Variants in UBAP2 observed in about 807,000 individuals in gnomAD.
UBAP2 encodes ubiquitin-associated protein 2.
Under a neutral mutation model 139.6 loss-of-function variants are expected in UBAP2, and 75 were observed. That is an observed-to-expected ratio of 0.54 (90% confidence interval 0.45 to 0.65). UBAP2 has a LOEUF of 0.65. Among genes scored for constraint, UBAP2 ranks in the 30% least tolerant of loss-of-function variants. UBAP2 has a pLI of 0.00. For synonymous variants in UBAP2, 526 were observed against 526.2 expected, an observed-to-expected ratio of 1.00 and a Z score of 0.01; for missense variants, 1,368 against 1,369.6, an observed-to-expected ratio of 1.00 and a Z score of 0.02.
intron 1 of UBAP2, among the ~76,000 whole-genome samples, chr9:34,032,050 C>A (rs769794904): frequency 2.0e-5 from 3 of 151,816 alleles, no homozygotes; most frequent in Non-Finnish European, 4.4e-5. Flanking sequence ...GAGGCTGAGG[C>A]GGGAGGATTG....
chr9:33,943,494 G>A lies in UBAP2; in HGVS notation c.1641C>T (p.Leu547=), dbSNP rs780070478. The A allele has an allele frequency of 2.5e-6, 4 of 1,614,072 alleles. No individual in the cohort carries two copies. Among genetic ancestry groups the A allele is most frequent in the African/African-American group, 1.3e-5 (1 of 74,932 alleles). Residue 547 remains leucine (L), a synonymous_variant, in exon 15 of 29, where the codon CTC becomes CTT. Coordinates refer to ENST00000379238, the MANE Select transcript of UBAP2 (RefSeq NM_001370062.2). ...TGCTTGGAGCTGATCCAAATTCAGA[G>A]AGAGAAGGTTCTGACCCAAATTCCA... The part of the protein sequence containing the change: ...GALEFGSEPS[L]SEFGSAPSSE...
At chr9:34,035,721 A>G (rs1826307648) in intron 1 of UBAP2, among the ~76,000 whole-genome samples, 1 of 151,308 alleles carries the variant, frequency 6.6e-6, no homozygotes, top group Non-Finnish European at 1.5e-5. Flanking sequence ...ACTATCAACA[A>G]AAACTGTCAA....
At chr9:33,968,722 A>G (rs1783944523) in intron 8 of UBAP2, among the ~76,000 whole-genome samples, 1 of 152,194 alleles carries the variant, frequency 6.6e-6, no homozygotes, top group Admixed American at 6.5e-5. Flanking sequence ...TCCTTTTACA[A>G]CAGACAGTTG....
intron 4 of UBAP2, among the ~76,000 whole-genome samples, chr9:33,993,300 T>G (rs1353262759): frequency 6.6e-6 from 1 of 152,214 alleles, no homozygotes; most frequent in African/African-American, 2.4e-5. Flanking sequence ...GTGTTTATAT[T>G]CTGTCAACCC....
chr9:33,938,423 G>A (rs114388719), intron 16 of UBAP2, among the ~76,000 whole-genome samples: 189 of 152,154 alleles, frequency 1.2e-3, no homozygotes, highest in African/African-American at 4.2e-3. Flanking sequence ...AAGCCACCAT[G>A]CCCAGCCCAA....
At chr9:34,007,267 G>A (rs906885411) in intron 2 of UBAP2, among the ~76,000 whole-genome samples, 2 of 152,126 alleles carry the variant, frequency 1.3e-5, no homozygotes, top group African/African-American at 2.4e-5. Flanking sequence ...GCTGAGGAAG[G>A]TGGATCCCTT....
In UBAP2 at chr9:33,941,656, G is replaced by A. The variant is rs1825215095; in HGVS notation, c.1922C>T (p.Thr641Ile). 6.2e-7 allele frequency: 1 copy of A among 1,613,764 alleles called. No individual in the cohort carries two copies. The highest frequency in any genetic ancestry group is 1.1e-5 in the South Asian group (1 of 91,068). ...AACTAAAATACCACTTACCATGATG[G>A]TTCCTGGAGCTGACTCTGATGAACT... is the stretch of plus-strand genomic sequence containing the variant. ...PVSSSESAPG[T>I]IMNGHGGGRS... is the part of the protein sequence containing the mutation. The change falls in exon 16 of 29, where the codon ACC becomes ATC. Residue 641 changes from threonine (T) to isoleucine (I), a missense_variant. Transcript: ENST00000379238.
intron 16 of UBAP2, 129 bp downstream of exon 16, chr9:33,941,518 CTA>C (rs1465214904): frequency 3.6e-5 from 28 of 780,214 alleles, no homozygotes; most frequent in Non-Finnish European, 1.7e-5. Flanking sequence ...ACTCAATGAA[CTA>C]TAAGGATTCT....
chr9:33,932,616 G>A lies in UBAP2; in HGVS notation c.2121C>T (p.Ser707=), dbSNP rs193140869. 5.6e-6 allele frequency: 9 copies of A among 1,614,058 alleles called. No homozygotes were observed. The East Asian group carries it at 1.8e-4, about 32-fold the overall frequency. The change falls in exon 19 of 29, where the codon AGC becomes AGT. Residue 707 remains serine, a synonymous_variant. Coordinates refer to ENST00000379238, the MANE Select transcript of UBAP2 (RefSeq NM_001370062.2). The stretch of plus-strand genomic sequence containing the variant: ...CATGTGCAGAGAGGCTGCTCTGGTG[G>A]CTGGAGAGCGAACTAGAAGACAAAA... The part of the protein sequence containing the change: ...PLSQLSSSLS[S]HQSSLSAHAA...
At chr9:33,989,199 C>CT in intron 4 of UBAP2, 73 bp from the exon 5 acceptor site, 1 of 1,217,454 alleles carries the variant, frequency 8.2e-7, no homozygotes, top group Non-Finnish European at 1.1e-6. Context: ...ATGCATGTAT[C>CT]TTTCTTTTTT....
intron 10 of UBAP2, among the ~76,000 whole-genome samples, chr9:33,959,237 A>G (rs983834117): frequency 6.6e-6 from 1 of 152,206 alleles, no homozygotes; most frequent in African/African-American, 2.4e-5. Context: ...ACCACTTAAA[A>G]CCCAAATAAT....
chr9:33,978,016 TAAAAAAA>T (rs78838897), intron 6 of UBAP2, among the ~76,000 whole-genome samples: 2 of 118,190 alleles, frequency 1.7e-5, no homozygotes, highest in African/African-American at 6.4e-5. Context: ...CTCTGTCTTT[TAAAAAAA>T]AAAAAAAAAA....
intron 11 of UBAP2, among the ~76,000 whole-genome samples, chr9:33,955,805 C>A (rs1254063511): frequency 1.1e-4 from 15 of 140,098 alleles, no homozygotes; most frequent in African/African-American, 2.9e-4. Flanking sequence ...CTAGCCTGGG[C>A]AACAAGAGCA....
At chr9:34,045,165 T>G (rs1237783813) in intron 1 of UBAP2, among the ~76,000 whole-genome samples, 1 of 151,574 alleles carries the variant, frequency 6.6e-6, no homozygotes, top group Non-Finnish European at 1.5e-5. Context: ...GCTAACACTG[T>G]GAAACCCCGT....
intron 6 of UBAP2, among the ~76,000 whole-genome samples, chr9:33,973,651 T>C (rs1828074144): frequency 6.6e-6 from 1 of 152,124 alleles, no homozygotes; most frequent in East Asian, 1.9e-4. Flanking sequence ...TAGTCTGTGA[T>C]CAAAGATCAA....
intron 6 of UBAP2, among the ~76,000 whole-genome samples, chr9:33,984,200 G>A (rs1015835474): frequency 3.3e-5 from 5 of 150,178 alleles, no homozygotes; most frequent in South Asian, 2.1e-4. Context: ...CACCACACCC[G>A]GCCTGAATCC....
rs372609383 is a variant in UBAP2, at chr9:33,936,631, A to G, written c.1930-753T>C. 2.0e-5 allele frequency among the ~76,000 whole-genome samples: 3 copies of G among 152,246 alleles called. No homozygotes were observed. In the East Asian group the frequency reaches 5.8e-4, roughly 29 times the overall value. On this transcript the variant is annotated intron_variant, in intron 16 of 28. Coordinates refer to ENST00000379238, the MANE Select transcript of UBAP2 (RefSeq NM_001370062.2). ...TGTACTCCAGCATGGGCAACAGAGC[A>G]ACACTCCATCTCAAAAAACAAAACA...
chr9:34,017,060 T>C lies in UBAP2; in HGVS notation c.89A>G (p.Gln30Arg), dbSNP rs767812111. Residue 30 changes from glutamine to arginine, a missense_variant, in exon 2 of 29, where the codon CAA becomes CGA. Physicochemically the swap from Gln to Arg is conservative, Grantham distance 43. Transcript: ENST00000379238. ...SAAQSTQPQK[Q>R]VVQATAEQMR... ...TCCACAAAAACTTACCTGTACCACT[T>C]GTTTCTGTGGTTGCGTTGATTGTGC... 2 of 1,598,216 alleles carry C rather than the reference T, an allele frequency of 1.3e-6. No homozygotes were observed. The highest frequency in any genetic ancestry group is 3.6e-5 in the Admixed American group (2 of 54,890).
chr9:34,043,494 C>T (rs13283930), intron 1 of UBAP2, among the ~76,000 whole-genome samples: 19,324 of 152,026 alleles, frequency 0.13, 1,562 homozygotes, highest in African/African-American at 0.22. Flanking sequence ...TAAAAATCAG[C>T]AAGTATGCAA....
Sources: allele counts gnomAD v4.1 joint callset (sites outside exome capture counted in the v4.1 genomes callset), GRCh38; gene constraint gnomAD v4.1.1; transcripts MANE v1.5; gene names NCBI Gene and HGNC (gene_info 2026-07-23, HGNC 2026-07-21).